Variants in VWF observed in about 807,000 individuals in gnomAD.
VWF encodes Factor VIII related antigen.
Under a neutral mutation model 308.6 loss-of-function variants are expected in VWF, and 176 were observed. The ratio of observed to expected loss-of-function variants is 0.57; its 90% confidence interval spans 0.50 to 0.65. VWF has a LOEUF of 0.65. Among genes scored for constraint, VWF ranks in the 30% least tolerant of loss-of-function variants. The pLI, the probability that VWF is intolerant of heterozygous loss-of-function variation, is 0.00. For synonymous variants in VWF, 1,385 were observed against 1,443.4 expected (o/e 0.96, Z 0.92); for missense variants, 3,146 against 3,648.2 (o/e 0.86, Z 3.55).
intron 3 of VWF, among the ~76,000 whole-genome samples, chr12:6,120,703 C>T (rs2136534736): frequency 6.6e-6 from 1 of 152,274 alleles, no homozygotes; most frequent in African/African-American, 2.4e-5. Flanking sequence ...ACAGCTACAT[C>T]CCAGGGCTGT....
intron 6 of VWF, among the ~76,000 whole-genome samples, chr12:6,092,090 C>A (rs372165243): frequency 6.6e-6 from 1 of 152,118 alleles, no homozygotes; most frequent in African/African-American, 2.4e-5. Context: ...TGGGTATAGG[C>A]AGGGGCCACC....
chr12:6,089,299 G>A (rs931716297), intron 6 of VWF, among the ~76,000 whole-genome samples: 21 of 152,252 alleles, frequency 1.4e-4, no homozygotes, highest in African/African-American at 4.8e-4. Flanking sequence ...GGACAAAGCA[G>A]TCTTCTCTTC....
chr12:5,952,880 G>C (rs547128698), intron 48 of VWF, among the ~76,000 whole-genome samples: 28 of 152,274 alleles, frequency 1.8e-4, no homozygotes, highest in African/African-American at 6.5e-4. Context: ...TTTGTTTCAC[G>C]CTGATGGCCT....
rs377299291 is a variant in VWF at position 6,063,091 on chromosome 12, G to C, written c.1433-37C>G. On this transcript the variant is annotated intron_variant, in intron 12 of 51. Transcript: ENST00000261405. The surrounding 1 kb of genome is among the most constrained non-coding windows in gnomAD (Gnocchi z 4.9). ...CAGGACAGGACTCAGGCAGAGGTGGGGAGAGGACAGGGTGGTGGCAGGCAG... is the reference window on the plus strand; with the variant it reads ...CAGGACAGGACTCAGGCAGAGGTGGCGAGAGGACAGGGTGGTGGCAGGCAG... The C allele has an allele frequency of 8.3e-6, 13 of 1,564,940 alleles. No homozygotes were observed. The highest frequency in any genetic ancestry group is 1.1e-5 in the Non-Finnish European group (12 of 1,139,174).
chr12:6,098,962 G>C (rs1223586299), intron 5 of VWF, among the ~76,000 whole-genome samples: 1 of 151,888 alleles, frequency 6.6e-6, no homozygotes, highest in Non-Finnish European at 1.5e-5. Flanking sequence ...CCATTGTGAA[G>C]CTGGGACCCT....
intron 47 of VWF, among the ~76,000 whole-genome samples, chr12:5,959,396 A>C (rs556406894): frequency 6.6e-6 from 1 of 152,326 alleles, no homozygotes; most frequent in African/African-American, 2.4e-5. Context: ...ATGTTCTCTC[A>C]GTAATTGATA....
chr12:5,952,401 A>G lies in VWF; in HGVS notation c.8105T>C (p.Leu2702Pro), dbSNP rs1307171312. The change falls in exon 49 of 52, where the codon CTG becomes CCG. Residue 2702 changes from leucine to proline, a missense_variant. Physicochemically the swap from Leu to Pro is moderately conservative, Grantham distance 98. Transcript: ENST00000261405. ...AGAATGAGTACTCACTCCCTCAGCC[A>G]GACACTTGTGTTCATCAAAGGGTGG... ...GCPPFDEHKC[L>P]AEGGKIMKIP... 2 of 1,614,062 alleles carry G rather than the reference A, an allele frequency of 1.2e-6. No homozygotes were observed. The highest frequency in any genetic ancestry group is 4.5e-5 in the East Asian group (2 of 44,882).
intron 8 of VWF, among the ~76,000 whole-genome samples, chr12:6,072,700 C>A (rs561750863): frequency 6.6e-6 from 1 of 152,300 alleles, no homozygotes; most frequent in East Asian, 1.9e-4. Context: ...CTTAGGGCTT[C>A]TTCCAGGAAG....
chr12:6,105,764 C>T (rs984303779), intron 5 of VWF, among the ~76,000 whole-genome samples: 1 of 151,876 alleles, frequency 6.6e-6, no homozygotes, highest in Non-Finnish European at 1.5e-5. Flanking sequence ...GAGCCGGACG[C>T]GGTGGTTCAT....
intron 3 of VWF, 96 bp downstream of exon 3, chr12:6,121,078 C>G: frequency 6.5e-7 from 1 of 1,545,514 alleles, no homozygotes; most frequent in Non-Finnish European, 8.9e-7. Context: ...CCTTTCCGCT[C>G]AGACACTGTC....
At chr12:6,098,582 T>C (rs537557120) in intron 5 of VWF, among the ~76,000 whole-genome samples, 1 of 151,388 alleles carries the variant, frequency 6.6e-6, no homozygotes, top group Admixed American at 6.6e-5. Flanking sequence ...ATCGAGACCA[T>C]CCTGGCTAAC....
chr12:6,080,449 G>C (rs1344802948), intron 6 of VWF, among the ~76,000 whole-genome samples: 1 of 152,238 alleles, frequency 6.6e-6, no homozygotes, highest in Non-Finnish European at 1.5e-5. Flanking sequence ...AATGGCAGCA[G>C]CAAGAAACCT....
chr12:6,074,250 C>T (rs2136472905), intron 7 of VWF, among the ~76,000 whole-genome samples: 1 of 152,238 alleles, frequency 6.6e-6, no homozygotes, highest in Non-Finnish European at 1.5e-5. Context: ...TGCCACAAGG[C>T]TGCCTTCACA....
At chr12:5,983,068 G>A in intron 41 of VWF, 82 bp downstream of exon 41, 1 of 1,368,260 alleles carries the variant, frequency 7.3e-7, no homozygotes, top group Non-Finnish European at 1.0e-6. Context: ...CGTGATCTTG[G>A]AAGAGGTCCC....
At chr12:6,117,666 T>A (rs552301982) in intron 3 of VWF, among the ~76,000 whole-genome samples, 1 of 152,126 alleles carries the variant, frequency 6.6e-6, no homozygotes, top group African/African-American at 2.4e-5. Flanking sequence ...AAACACAAAA[T>A]TAGCAGGGTG....
intron 33 of VWF, 28 bp downstream of exon 33, chr12:6,012,059 C>A (rs757759117): frequency 1.2e-6 from 2 of 1,613,466 alleles, no homozygotes. Flanking sequence ...TCTAACCTTT[C>A]TTTCAAAGTC....
intron 6 of VWF, among the ~76,000 whole-genome samples, chr12:6,091,015 T>A (rs1300133056): frequency 6.6e-6 from 1 of 152,214 alleles, no homozygotes; most frequent in African/African-American, 2.4e-5. Flanking sequence ...GTGCCGGTAC[T>A]GGGCTAGGAT....
chr12:6,040,425 C>T (rs1015086453), intron 18 of VWF, among the ~76,000 whole-genome samples: 2 of 152,100 alleles, frequency 1.3e-5, no homozygotes, highest in African/African-American at 4.8e-5. Context: ...CAGGATTCAC[C>T]GTTTCCCACC....
chr12:6,118,050 T>C lies in VWF; in HGVS notation c.220+3124A>G, dbSNP rs532632846. On this transcript the variant is annotated intron_variant, in intron 3 of 51. Transcript: ENST00000261405. ...GGGTGGAATGGGCAAGAGGGCTTCC[T>C]GAAGGAGGTGACCGAGACAGCCCAG... Among the ~76,000 whole-genome samples, 12 of 152,242 alleles carry C rather than the reference T, an allele frequency of 7.9e-5. No homozygotes were observed. The South Asian group carries it at 2.3e-3, about 29-fold the overall frequency.
Sources: gnomAD v4.1 joint callset for allele counts (sites outside exome capture counted in the v4.1 genomes callset) on GRCh38, gnomAD v4.1.1 for gene constraint, Gnocchi (gnomAD v3.1) non-coding constraint, MANE v1.5 for transcripts, NCBI Gene and HGNC (gene_info 2026-07-23, HGNC 2026-07-21) for gene names.